The following STX3 variants were observed in gnomAD, a reference collection of about 807,000 sequenced individuals.
STX3 encodes the protein syntaxin 3, also known as syntaxin-3.
A neutral mutation model predicts 40.2 loss-of-function variants in STX3; 19 were observed. That is an observed-to-expected ratio of 0.47 (90% CI 0.33 to 0.69). The LOEUF (loss-of-function observed/expected upper bound fraction) is 0.69, where lower values mean the gene tolerates loss of function less well. Among genes scored for constraint, STX3 ranks in the 30% least tolerant of loss-of-function variants. STX3 has a pLI of 0.02. For missense variants in STX3, 364 were observed against 366.7 expected (o/e 0.99, Z 0.06); for synonymous variants, 122 against 132.2 (o/e 0.92, Z 0.53).
chr11:59,801,871 A>G lies in STX3; in HGVS notation c.*1047A>G. The G allele has an allele frequency of 1.0e-6, 1 of 985,532 alleles. No individual in the cohort carries two copies. The highest frequency in any genetic ancestry group is 1.2e-6 in the Non-Finnish European group (1 of 829,906). The allele number at this position is 985,532 out of a possible 1,614,324, so 61.0% of individuals were successfully genotyped here. On this transcript the variant is annotated 3_prime_UTR_variant, in exon 11 of 11. Transcript: ENST00000337979. ...CTAGGATAAAAATTGGGTAAAGGAC[A>G]TTTGCTTACCTGCAAATGAATCACT... is the stretch of plus-strand genomic sequence containing the variant.
Position 59,801,776 on chromosome 11 carries a change from G to T in STX3, c.*952G>T. 1.0e-6 allele frequency: 1 copy of T among 985,562 alleles called. No individual in the cohort carries two copies. Among genetic ancestry groups the T allele is most frequent in the Non-Finnish European group, 1.2e-6 (1 of 829,906 alleles). 61.1% of individuals were successfully genotyped at this position (985,562 alleles called of 1,614,324 possible). A position where few individuals can be genotyped will look rare whatever the true frequency, so the allele number is the denominator to read the frequency against. On this transcript the variant is annotated 3_prime_UTR_variant, in exon 11 of 11. Coordinates refer to ENST00000337979, the MANE Select transcript of STX3 (RefSeq NM_004177.5). ...ATGAAATGTATGTACACATAAGTGT[G>T]TGTGTCTCAGGAAGTAGGAAATAAA...
chr11:59,805,189 A>AAAAAAAAAAAC lies in STX3; in HGVS notation c.*4368_*4369insAAAAAAACAAA, dbSNP rs750358696. 6.4e-4 allele frequency: 95 copies of AAAAAAAAAAAC among 149,580 alleles called. No individual in the cohort carries two copies. Among genetic ancestry groups the AAAAAAAAAAAC allele is most frequent in the African/African-American group, 2.1e-3 (83 of 40,232 alleles). The allele number at this position is 149,580 out of a possible 1,614,324, so 9.3% of individuals were successfully genotyped here. The stretch of plus-strand genomic sequence containing the variant: ...CTAAATTCCATCTAAAAAAAAAAAA[A>AAAAAAAAAAAC]AAACAAAAAAAAAAAACTGTTCTTA... On this transcript the variant is annotated 3_prime_UTR_variant, in exon 11 of 11. Coordinates refer to ENST00000337979, the MANE Select transcript of STX3 (RefSeq NM_004177.5).
intron 2 of STX3, among the ~76,000 whole-genome samples, chr11:59,778,378 C>G (rs895493441): frequency 5.9e-5 from 9 of 152,134 alleles, no homozygotes; most frequent in Non-Finnish European, 1.0e-4. Flanking sequence ...TCCTGGATAG[C>G]ACTGGGTCAC....
chr11:59,797,762 G>C (rs1357546975), intron 10 of STX3, among the ~76,000 whole-genome samples: 1 of 152,178 alleles, frequency 6.6e-6, no homozygotes, highest in East Asian at 1.9e-4. Flanking sequence ...AATTCTTACT[G>C]ATTTTCATGG....
chr11:59,797,176 G>C, intron 9 of STX3, 107 bp from the exon 10 acceptor site: 1 of 772,862 alleles, frequency 1.3e-6, no homozygotes, highest in Middle Eastern at 3.0e-4. Flanking sequence ...ACTCAGACTG[G>C]TAAGATATTT....
chr11:59,768,156 GGGATTCTCTCTGT>G (rs1298842762), intron 1 of STX3, among the ~76,000 whole-genome samples: 8 of 152,220 alleles, frequency 5.3e-5, no homozygotes, highest in African/African-American at 1.9e-4. Context: ...GGATTTTGCA[GGGATTCTCTCTGT>G]TGCAGTAAAA....
chr11:59,785,146 T>C (rs1864668511), intron 2 of STX3, among the ~76,000 whole-genome samples: 1 of 152,200 alleles, frequency 6.6e-6, no homozygotes, highest in African/African-American at 2.4e-5. Context: ...ATGTTTACAC[T>C]CCCATGATAT....
chr11:59,800,235 T>G, intron 10 of STX3: 1 of 985,416 alleles, frequency 1.0e-6, no homozygotes, highest in South Asian at 4.7e-5. Context: ...TTCCTCCATG[T>G]CACCCAAGGG....
chr11:59,772,554 A>G (rs1863714132), intron 1 of STX3, among the ~76,000 whole-genome samples: 1 of 152,194 alleles, frequency 6.6e-6, no homozygotes, highest in African/African-American at 2.4e-5. Context: ...CCTAATGTGA[A>G]AATTGAAAGC....
intron 2 of STX3, among the ~76,000 whole-genome samples, chr11:59,774,471 A>G (rs1383721124): frequency 6.6e-6 from 1 of 151,454 alleles, no homozygotes; most frequent in African/African-American, 2.4e-5. Flanking sequence ...TTCACTGGTG[A>G]TCCAGTGTTT....
Position 59,755,427 on chromosome 11 carries a change from G to C in STX3, c.-179G>C. 10 of 543,294 alleles carry C rather than the reference G, an allele frequency of 1.8e-5. No homozygotes were observed. In the South Asian group the frequency reaches 4.3e-4, roughly 23 times the overall value. 33.7% of individuals were successfully genotyped at this position (543,294 alleles called of 1,614,324 possible). On this transcript the variant is annotated 5_prime_UTR_variant, in exon 1 of 11. Coordinates refer to ENST00000337979, the MANE Select transcript of STX3 (RefSeq NM_004177.5). ...GGGCGGAGGGGGCTGCGCGGCGGAGGCTCCCGTGGCCTCGGACGCTCCTCC... is the reference window on the plus strand; with the variant it reads ...GGGCGGAGGGGGCTGCGCGGCGGAGCCTCCCGTGGCCTCGGACGCTCCTCC...
At chr11:59,787,496 T>C (rs1392147804) in intron 3 of STX3, among the ~76,000 whole-genome samples, 4 of 152,188 alleles carry the variant, frequency 2.6e-5, no homozygotes, top group Non-Finnish European at 5.9e-5. Flanking sequence ...CCTAGCCCTC[T>C]TTCTGAATCC....
In STX3 at chr11:59,773,219, G is replaced by T; in HGVS notation, c.39G>T (p.Leu13=). The change falls in exon 2 of 11, where the codon CTG becomes CTT. Residue 13 remains leucine, a synonymous_variant. Coordinates refer to ENST00000337979, the MANE Select transcript of STX3 (RefSeq NM_004177.5). ...DRLEQLKAKQ[L]TQDDDTDAVE... ...TTTTTTGCCTTTTGCAGAAGCAGCT[G>T]ACACAGGATGATGATACTGATGCGG... The T allele has an allele frequency of 6.2e-7, 1 of 1,614,096 alleles. No homozygotes were observed. The highest frequency in any genetic ancestry group is 1.1e-5 in the South Asian group (1 of 91,066).
chr11:59,768,157 G>C (rs1863374020), intron 1 of STX3, among the ~76,000 whole-genome samples: 1 of 152,086 alleles, frequency 6.6e-6, no homozygotes, highest in Non-Finnish European at 1.5e-5. Flanking sequence ...GATTTTGCAG[G>C]GATTCTCTCT....
chr11:59,798,271 G>A (rs556254023), intron 10 of STX3, among the ~76,000 whole-genome samples: 2 of 150,930 alleles, frequency 1.3e-5, no homozygotes, highest in African/African-American at 4.9e-5. Context: ...GCAGTGGCAT[G>A]ATCTCGGCTC....
At position 59,755,634 on chromosome 11, in the gene STX3, C is replaced by T. The variant is rs557835574; in HGVS notation, c.29C>T (p.Ala10Val). MKDRLEQLK[A>V]KQLTQDDDTD... ...AAGGACCGTCTGGAGCAGCTGAAGG[C>T]CGTGAGTTTCGCCGCAGGCGGGGTG... is the stretch of plus-strand genomic sequence containing the variant. Residue 10 changes from alanine (A) to valine (V), a missense_variant and splice_region_variant, in exon 1 of 11, where the codon GCC (alanine) becomes GTC (valine). By Grantham distance (64) the Ala-to-Val change is moderately conservative (BLOSUM62 0). Coordinates refer to ENST00000337979, the MANE Select transcript of STX3 (RefSeq NM_004177.5). 123 of 1,593,574 alleles carry T rather than the reference C, an allele frequency of 7.7e-5. No homozygotes were observed. In the South Asian group the frequency reaches 1.3e-3, roughly 17 times the overall value.
At chr11:59,778,737 G>C (rs751622698) in intron 2 of STX3, among the ~76,000 whole-genome samples, 1 of 151,760 alleles carries the variant, frequency 6.6e-6, no homozygotes. Flanking sequence ...TAATAAATCA[G>C]CTTAACTTGG....
At position 59,802,739 on chromosome 11, in the gene STX3, A is replaced by G. The variant is rs192861969; in HGVS notation, c.*1915A>G. The stretch of plus-strand genomic sequence containing the variant: ...GGCTCTGTCTCGATGCAGAAACACA[A>G]TGATCTGGTGCCACCATGTGGTGAT... On this transcript the variant is annotated 3_prime_UTR_variant, in exon 11 of 11. Coordinates refer to ENST00000337979, the MANE Select transcript of STX3 (RefSeq NM_004177.5). 1.7e-5 allele frequency: 17 copies of G among 985,976 alleles called. No individual in the cohort carries two copies. In the East Asian group the frequency reaches 1.5e-3, roughly 86 times the overall value. The allele number at this position is 985,976 out of a possible 1,614,324, so 61.1% of individuals were successfully genotyped here. A position where few individuals can be genotyped will look rare whatever the true frequency, so the allele number is the denominator to read the frequency against.
Position 59,801,517 on chromosome 11 carries a change from T to C in STX3, c.*693T>C, listed in dbSNP as rs1590840239. ...GAGGGACCAGGATGATACAGTCATC[T>C]GAGGTTATGCTTTGCAAAAGGCTGA... On this transcript the variant is annotated 3_prime_UTR_variant, in exon 11 of 11. Coordinates refer to ENST00000337979, the MANE Select transcript of STX3 (RefSeq NM_004177.5). 1.0e-6 allele frequency: 1 copy of C among 985,512 alleles called. No homozygotes were observed. Among genetic ancestry groups the C allele is most frequent in the Non-Finnish European group, 1.2e-6 (1 of 829,978 alleles). The allele number at this position is 985,512 out of a possible 1,614,324, so 61.0% of individuals were successfully genotyped here. A position where few individuals can be genotyped will look rare whatever the true frequency, so the allele number is the denominator to read the frequency against.
Sources: allele counts gnomAD v4.1 joint callset (sites outside exome capture counted in the v4.1 genomes callset), GRCh38; gene constraint gnomAD v4.1.1; transcripts MANE v1.5; gene names NCBI Gene and HGNC (gene_info 2026-07-23, HGNC 2026-07-21).